TOP3A: variants seen among roughly 807,000 people sequenced by gnomAD.
TOP3A encodes DNA topoisomerase 3-alpha.
In TOP3A, 64 loss-of-function variants were observed where a neutral mutation model predicts 111.3. That is an observed-to-expected ratio of 0.57 (90% CI 0.47 to 0.71). The LOEUF is 0.71. Among genes scored for constraint, TOP3A ranks in the 30% least tolerant of loss-of-function variants. The probability of loss-of-function intolerance (pLI) is 0.00; values close to 1 mark genes in which losing one functional copy is unlikely to be tolerated. For missense variants in TOP3A, 1,104 were observed against 1,285.0 expected (o/e 0.86, Z 2.15); for synonymous variants, 484 against 485.1 (o/e 1.00, Z 0.03).
chr17:18,280,538 G>A lies in TOP3A; in HGVS notation c.2142C>T (p.Tyr714=). Residue 714 remains tyrosine, a splice_region_variant and synonymous_variant, in exon 17 of 19, where the codon TAC becomes TAT. Transcript: ENST00000321105. ...VCPVCQPHPV[Y]RLKLKFKRGS... ...CCTGACTCAGGTGCCCAGCTCACCTGTACACAGGGTGTGGCTGACAAACTG... is the reference window on the plus strand; with the variant it reads ...CCTGACTCAGGTGCCCAGCTCACCTATACACAGGGTGTGGCTGACAAACTG... The A allele has an allele frequency of 6.2e-7, 1 of 1,613,428 alleles. No homozygotes were observed. The highest frequency in any genetic ancestry group is 1.1e-5 in the South Asian group (1 of 91,020).
Position 18,277,708 on chromosome 17 carries a change from A to G in TOP3A, c.2794T>C (p.Phe932Leu), listed in dbSNP as rs375392866. Residue 932 changes from phenylalanine to leucine, a missense_variant, in exon 18 of 19, where the codon TTT becomes CTT. Phe to Leu is a conservative substitution (Grantham distance 22). Transcript: ENST00000321105. ...CAKPREQQCGFFQWVDENTAP... is the reference protein window; with the variant it reads ...CAKPREQQCGLFQWVDENTAP... Reference sequence around the variant, plus strand: ...GTGTTCTCATCGACCCACTGGAAAAAGCCACACTGCTGCTCTCTCGGCTTG... The same window carrying G: ...GTGTTCTCATCGACCCACTGGAAAAGGCCACACTGCTGCTCTCTCGGCTTG... The G allele has an allele frequency of 7.4e-6, 12 of 1,611,520 alleles. No individual in the cohort carries two copies. The highest frequency in any genetic ancestry group is 6.7e-5 in the African/African-American group (5 of 74,876).
intron 17 of TOP3A, among the ~76,000 whole-genome samples, chr17:18,279,860 A>AT (rs951365602): frequency 2.6e-5 from 4 of 151,876 alleles, no homozygotes; most frequent in Admixed American, 2.0e-4. Flanking sequence ...CTAATTTAAA[A>AT]TTTTTTTTGG....
At chr17:18,299,263 C>T (rs1043937148) in intron 9 of TOP3A, among the ~76,000 whole-genome samples, 1 of 151,836 alleles carries the variant, frequency 6.6e-6, no homozygotes, top group Non-Finnish European at 1.5e-5. Context: ...CCATCTCTAC[C>T]AAAAAATTTT....
At chr17:18,299,188 G>T (rs1981063588) in intron 9 of TOP3A, among the ~76,000 whole-genome samples, 1 of 152,178 alleles carries the variant, frequency 6.6e-6, no homozygotes, top group African/African-American at 2.4e-5. Context: ...TACTTTGGGA[G>T]GCTGGGGCTG....
chr17:18,280,482 G>C, intron 17 of TOP3A, 54 bp downstream of exon 17: 2 of 1,584,424 alleles, frequency 1.3e-6, no homozygotes, highest in South Asian at 2.3e-5. Flanking sequence ...AGGAGCAAGG[G>C]AAAGATGGTG....
chr17:18,280,174 A>ATT (rs10668277), intron 17 of TOP3A: 70,205 of 148,398 alleles, frequency 0.47, 17,823 homozygotes, highest in African/African-American at 0.69. Flanking sequence ...TTAAATAAAA[A>ATT]TTTTTTTTTT....
chr17:18,285,031 G>A (rs1056728021), intron 15 of TOP3A, 111 bp downstream of exon 15: 14 of 1,327,674 alleles, frequency 1.1e-5, no homozygotes, highest in Non-Finnish European at 1.4e-5. Flanking sequence ...GCTCACGCCT[G>A]TAATCCCCAC....
intron 9 of TOP3A, among the ~76,000 whole-genome samples, chr17:18,295,872 A>G (rs1281536487): frequency 6.6e-6 from 1 of 151,436 alleles, no homozygotes; most frequent in Non-Finnish European, 1.5e-5. Flanking sequence ...GTTCACGCCA[A>G]TTCTCCTGCC....
At chr17:18,294,134 T>C (rs1413210889) in intron 10 of TOP3A, among the ~76,000 whole-genome samples, 1 of 152,146 alleles carries the variant, frequency 6.6e-6, no homozygotes, top group East Asian at 1.9e-4. Context: ...TGCCACCCAC[T>C]GTCTGCCACT....
chr17:18,298,220 C>T lies in TOP3A; in HGVS notation c.990+1339G>A, dbSNP rs997680020. ...CCGTCTGAGAAGTGAGGAGCCCCTC[C>T]GCCCAGCAGCCGCGCCGTCTGAGAA... On this transcript the variant is annotated intron_variant, in intron 9 of 18. Transcript: ENST00000321105. 2.3e-4 allele frequency among the ~76,000 whole-genome samples: 34 copies of T among 148,636 alleles called. No individual in the cohort carries two copies. The East Asian group carries it at 5.7e-3, about 25-fold the overall frequency.
At chr17:18,283,369 CAA>C (rs1232671512) in intron 15 of TOP3A, among the ~76,000 whole-genome samples, 1 of 142,760 alleles carries the variant, frequency 7.0e-6, no homozygotes. Context: ...AACTCCATCT[CAA>C]AAAAAAAAAG....
Position 18,282,771 on chromosome 17 carries a change from CTGGGTAGATA to C in TOP3A, c.1938_1947del (p.Asp646GlufsTer68). On this transcript the variant is annotated frameshift_variant, in exon 16 of 19. Coordinates refer to ENST00000321105, the MANE Select transcript of TOP3A (RefSeq NM_004618.5). LOFTEE classifies it high-confidence loss of function. ...CACTTCCTGATGGGCTCTGGCATGG[CTGGGTAGATA>C]TCTTCTTGCTGGGCCAACTCTGTCC... 6.2e-7 allele frequency: 1 copy of C among 1,614,218 alleles called. No individual in the cohort carries two copies. Among genetic ancestry groups the C allele is most frequent in the Non-Finnish European group, 8.5e-7 (1 of 1,180,050 alleles).
chr17:18,271,686 GA>G lies in TOP3A; in HGVS notation c.*3115del, dbSNP rs1286274440. The G allele has an allele frequency of 2.8e-6, 1 of 360,252 alleles. No individual in the cohort carries two copies. The highest frequency in any genetic ancestry group is 2.6e-5 in the African/African-American group (1 of 38,708). 22.3% of individuals were successfully genotyped at this position (360,252 alleles called of 1,614,324 possible). On this transcript the variant is annotated 3_prime_UTR_variant, in exon 19 of 19. Transcript: ENST00000321105. ...GACACACAGTTGCCTGCAGAGATGT[GA>G]AAACCACAAAGGCATCTGATATCCA...
intron 15 of TOP3A, among the ~76,000 whole-genome samples, chr17:18,283,503 CTG>C (rs770690350): frequency 6.6e-6 from 1 of 152,174 alleles, no homozygotes; most frequent in Non-Finnish European, 1.5e-5. Flanking sequence ...AAATAACAAA[CTG>C]TTATCTTCTA....
chr17:18,306,204 A>AAAAT (rs936362344), intron 4 of TOP3A, among the ~76,000 whole-genome samples: 2 of 152,228 alleles, frequency 1.3e-5, no homozygotes, highest in South Asian at 4.1e-4. Context: ...TTCGTCTCAA[A>AAAAT]AAATAAATAA....
intron 13 of TOP3A, among the ~76,000 whole-genome samples, chr17:18,286,568 C>T (rs1980121140): frequency 6.6e-6 from 1 of 152,014 alleles, no homozygotes; most frequent in Non-Finnish European, 1.5e-5. Flanking sequence ...GCAGTTCAGA[C>T]CTACTGGCAA....
At chr17:18,306,309 G>T (rs1325594660) in intron 4 of TOP3A, among the ~76,000 whole-genome samples, 3 of 152,038 alleles carry the variant, frequency 2.0e-5, no homozygotes, top group Non-Finnish European at 2.9e-5. Flanking sequence ...ATACTTTGTA[G>T]CCTCTTTCAT....
Position 18,274,792 on chromosome 17 carries a change from T to C in TOP3A, c.*10A>G. On this transcript the variant is annotated 3_prime_UTR_variant, in exon 19 of 19. Coordinates refer to ENST00000321105, the MANE Select transcript of TOP3A (RefSeq NM_004618.5). ...TCTGAGAAAGTGGCGTTCTCTACCC[T>C]ACCCTGAGCTCATCTGTTCTGAGGA... is the stretch of plus-strand genomic sequence containing the variant. 1 of 1,610,986 alleles carries C rather than the reference T, an allele frequency of 6.2e-7. No individual in the cohort carries two copies.
At chr17:18,279,089 G>A (rs1203266057) in intron 17 of TOP3A, among the ~76,000 whole-genome samples, 1 of 152,218 alleles carries the variant, frequency 6.6e-6, no homozygotes, top group Non-Finnish European at 1.5e-5. Flanking sequence ...GACTGCAGAA[G>A]CAGATACGGG....
Sources: gnomAD v4.1 joint callset for allele counts (sites outside exome capture counted in the v4.1 genomes callset) on GRCh38, gnomAD v4.1.1 for gene constraint, MANE v1.5 for transcripts, NCBI Gene and HGNC (gene_info 2026-07-23, HGNC 2026-07-21) for gene names.